The following ANTXR1 variants were observed in gnomAD, a reference collection of about 807,000 sequenced individuals.
ANTXR1 encodes anthrax toxin receptor 1.
A neutral mutation model predicts 78.1 loss-of-function variants in ANTXR1; 19 were observed. The observed-to-expected ratio is 0.24, with a 90% CI of 0.17 to 0.36. The LOEUF (loss-of-function observed/expected upper bound fraction) is 0.36. Ranked by LOEUF, ANTXR1 falls within the 10% of genes least tolerant of loss-of-function variation. The pLI is 1.00. For synonymous variants in ANTXR1, 273 were observed against 260.5 expected, an observed-to-expected ratio of 1.05 and a Z score of -0.46; for missense variants, 518 against 718.6, an observed-to-expected ratio of 0.72 and a Z score of 3.19.
Position 69,013,566 on chromosome 2 carries a change from C to T in ANTXR1, c.67C>T (p.Leu23Phe), listed in dbSNP as rs1670932086. 4 of 1,574,916 alleles carry T rather than the reference C, an allele frequency of 2.5e-6. No homozygotes were observed. Among genetic ancestry groups the T allele is most frequent in the African/African-American group, 1.3e-5 (1 of 74,658 alleles). The change falls in exon 1 of 18, where the codon CTC (leucine) becomes TTC (phenylalanine). Residue 23 changes from leucine to phenylalanine, a missense_variant. By Grantham distance (22) the Leu-to-Phe change is conservative (BLOSUM62 0). Transcript: ENST00000303714. The surrounding 1 kb of genome is among the most constrained non-coding windows in gnomAD (Gnocchi z 5.0). ...GTGGCTCTCTTTGGCCACTCTGGTG[C>T]TCATCTGCGCCGGGCAAGGGGGACG... ...FQWLSLATLV[L>F]ICAGQGGRRE...
chr2:69,173,325 T>C (rs1674039994), intron 14 of ANTXR1, among the ~76,000 whole-genome samples: 2 of 152,238 alleles, frequency 1.3e-5, no homozygotes, highest in Admixed American at 1.3e-4. Flanking sequence ...CATTTCACCA[T>C]CTGCCCCCAG....
chr2:69,236,133 G>T (rs2104527040), intron 17 of ANTXR1, among the ~76,000 whole-genome samples: 1 of 152,136 alleles, frequency 6.6e-6, no homozygotes, highest in African/African-American at 2.4e-5. Context: ...ATGAGATTTG[G>T]GTGGGGACAC....
intron 16 of ANTXR1, among the ~76,000 whole-genome samples, chr2:69,190,988 C>T (rs541467759): frequency 1.3e-5 from 2 of 152,244 alleles, no homozygotes; most frequent in Non-Finnish European, 1.5e-5. Context: ...GGAGTCCTCT[C>T]CTTCTGAAAA....
intron 17 of ANTXR1, among the ~76,000 whole-genome samples, chr2:69,204,325 C>A (rs1168743433): frequency 2.6e-5 from 4 of 152,062 alleles, no homozygotes; most frequent in African/African-American, 9.7e-5. Context: ...ATAAAACATC[C>A]ACACACACCC....
rs965553499 is a variant in ANTXR1 at position 69,248,112 on chromosome 2, T to C, written c.*2627T>C. 2 of 166,876 alleles carry C rather than the reference T, an allele frequency of 1.2e-5. No homozygotes were observed. Among genetic ancestry groups the C allele is most frequent in the African/African-American group, 4.8e-5 (2 of 41,458 alleles). 10.3% of individuals were successfully genotyped at this position (166,876 alleles called of 1,614,324 possible). ...ACTGGTTTACAAAATCCATCAATAC[T>C]TGTGTCATTCCCTGTAAAAGGCAGG... On this transcript the variant is annotated 3_prime_UTR_variant, in exon 18 of 18. Coordinates refer to ENST00000303714, the MANE Select transcript of ANTXR1 (RefSeq NM_032208.3).
intron 1 of ANTXR1, among the ~76,000 whole-genome samples, chr2:69,024,627 A>C (rs1391570755): frequency 6.6e-6 from 1 of 152,166 alleles, no homozygotes; most frequent in African/African-American, 2.4e-5. Flanking sequence ...TCCTCAATTT[A>C]TGGTCTTGGT....
chr2:69,098,132 G>A (rs1207376875), intron 9 of ANTXR1, among the ~76,000 whole-genome samples: 1 of 152,216 alleles, frequency 6.6e-6, no homozygotes, highest in Non-Finnish European at 1.5e-5. Flanking sequence ...CACTAGGGAA[G>A]TTCTGGGGGT....
intron 17 of ANTXR1, among the ~76,000 whole-genome samples, chr2:69,195,391 C>T (rs1674646751): frequency 6.6e-6 from 1 of 152,142 alleles, no homozygotes; most frequent in Non-Finnish European, 1.5e-5. Flanking sequence ...ACCCCCTCCC[C>T]TTGCACCTGG....
intron 14 of ANTXR1, among the ~76,000 whole-genome samples, chr2:69,173,114 C>T (rs1674036878): frequency 1.3e-5 from 2 of 152,244 alleles, no homozygotes; most frequent in South Asian, 4.1e-4. Context: ...GATGAAAGAA[C>T]TCAGGTAGAC....
rs1353316462 is a variant in ANTXR1 at position 69,152,327 on chromosome 2, G to A, written c.1047+63G>A. On this transcript the variant is annotated intron_variant, in intron 13 of 17. Transcript: ENST00000303714. ...GTGACATAAAGTTCACAGACCATGAGTAGAGAGAAAGGGATTTTTAAAAAA... is the reference window on the plus strand; with the variant it reads ...GTGACATAAAGTTCACAGACCATGAATAGAGAGAAAGGGATTTTTAAAAAA... 6 of 1,519,316 alleles carry A rather than the reference G, an allele frequency of 3.9e-6. No individual in the cohort carries two copies. In the African/African-American group the frequency reaches 4.1e-5, roughly 10 times the overall value. 94.1% of individuals were successfully genotyped at this position (1,519,316 alleles called of 1,614,324 possible). A position where few individuals can be genotyped will look rare whatever the true frequency, so the allele number is the denominator to read the frequency against.
intron 1 of ANTXR1, among the ~76,000 whole-genome samples, chr2:69,036,486 T>G (rs1487832481): frequency 2.0e-5 from 3 of 152,226 alleles, no homozygotes; most frequent in Non-Finnish European, 4.4e-5. Flanking sequence ...CTTTCTAATT[T>G]TTTTTGTACC....
chr2:69,079,814 A>G (rs1670847603), intron 8 of ANTXR1, among the ~76,000 whole-genome samples: 1 of 152,242 alleles, frequency 6.6e-6, no homozygotes, highest in South Asian at 2.1e-4. Context: ...TTATCTGTTC[A>G]GACGTTCTTA....
chr2:69,074,418 A>G (rs1670665494), intron 6 of ANTXR1, among the ~76,000 whole-genome samples: 1 of 152,212 alleles, frequency 6.6e-6, no homozygotes, highest in Non-Finnish European at 1.5e-5. Context: ...GAGGCTTAAG[A>G]TAGGGATTAG....
At chr2:69,101,385 G>A (rs375268551) in intron 9 of ANTXR1, among the ~76,000 whole-genome samples, 128 of 152,274 alleles carry the variant, frequency 8.4e-4, no homozygotes, top group African/African-American at 3.0e-3. Context: ...AACAGACCTC[G>A]ATTCCAGTTC....
At chr2:69,081,963 C>A (rs886858669) in intron 8 of ANTXR1, among the ~76,000 whole-genome samples, 1 of 152,236 alleles carries the variant, frequency 6.6e-6, no homozygotes, top group Non-Finnish European at 1.5e-5. Context: ...CAAGGCCACA[C>A]AGCACAGTGA....
rs75853874 is a variant in ANTXR1, at chr2:69,072,271, A to T, written c.412+484A>T. Among the ~76,000 whole-genome samples, 1,365 of 152,338 alleles carry T rather than the reference A, an allele frequency of 9.0e-3. 32 individuals carry two copies. The East Asian group carries it at 0.097, about 11-fold the overall frequency. ...ATATACTCAGTAGAGTGCCTAGCAC[A>T]TAGAAATTTTTATTATTTTAGCTAT... On this transcript the variant is annotated intron_variant, in intron 5 of 17. Transcript: ENST00000303714.
chr2:69,083,773 C>G (rs1004056703), intron 8 of ANTXR1, among the ~76,000 whole-genome samples: 2 of 152,192 alleles, frequency 1.3e-5, no homozygotes, highest in Non-Finnish European at 2.9e-5. Flanking sequence ...CCCCTCTCTT[C>G]CAAGATTGCA....
rs566314242 is a variant in ANTXR1 at position 69,106,137 on chromosome 2, A to G, written c.802+3197A>G. ...AAATTGATCATGCTAAGACATGGATAAAATGCCAATATATTAATGCCAAAA... is the reference window on the plus strand; with the variant it reads ...AAATTGATCATGCTAAGACATGGATGAAATGCCAATATATTAATGCCAAAA... On this transcript the variant is annotated intron_variant, in intron 10 of 17. Transcript: ENST00000303714. 2.0e-5 allele frequency among the ~76,000 whole-genome samples: 3 copies of G among 152,380 alleles called. No homozygotes were observed. The South Asian group carries it at 6.2e-4, about 32-fold the overall frequency.
At chr2:69,037,563 G>A (rs762139476) in intron 1 of ANTXR1, among the ~76,000 whole-genome samples, 15 of 152,076 alleles carry the variant, frequency 9.9e-5, no homozygotes, top group African/African-American at 2.4e-4. Flanking sequence ...TCAGCCTCCC[G>A]GGTTCAAGTG....
Sources: allele counts gnomAD v4.1 joint callset (sites outside exome capture counted in the v4.1 genomes callset), GRCh38; gene constraint gnomAD v4.1.1; non-coding constraint Gnocchi (gnomAD v3.1); transcripts MANE v1.5; gene names NCBI Gene and HGNC (gene_info 2026-07-23, HGNC 2026-07-21).